DOCK4: variants seen among roughly 807,000 people sequenced by gnomAD.
DOCK4 encodes the protein dedicator of cytokinesis 4, also known as dedicator of cytokinesis protein 4.
DOCK4 carries 97 observed loss-of-function variants against 268.1 expected under a neutral mutation model. The observed-to-expected ratio is 0.36, with a 90% CI of 0.31 to 0.43. The LOEUF is 0.43. DOCK4 is among the 20% of genes least tolerant of loss of function. The pLI, the probability that DOCK4 is intolerant of heterozygous loss-of-function variation, is 1.00. For synonymous variants in DOCK4, 954 were observed against 887.2 expected, an observed-to-expected ratio of 1.08 and a Z score of -1.34; for missense variants, 2,145 against 2,455.7, an observed-to-expected ratio of 0.87 and a Z score of 2.67.
At chr7:112,193,617 T>G (rs1038282736) in intron 1 of DOCK4, among the ~76,000 whole-genome samples, 1 of 137,252 alleles carries the variant, frequency 7.3e-6, no homozygotes, top group Non-Finnish European at 1.6e-5. Context: ...AAAAAAAAAA[T>G]TCTAGCTCAA....
rs570803161 is a variant in DOCK4, at chr7:111,859,809, C to T, written c.2473+3563G>A. 9.9e-5 allele frequency among the ~76,000 whole-genome samples: 15 copies of T among 152,106 alleles called. No individual in the cohort carries two copies. In the East Asian group the frequency reaches 2.1e-3, roughly 22 times the overall value. On this transcript the variant is annotated intron_variant, in intron 23 of 52. Coordinates refer to ENST00000428084, the MANE Select transcript of DOCK4 (RefSeq NM_001363540.2). Reference sequence around the variant, plus strand: ...GTCTCGATCTTCTGACCTCGTGATCCGCCCGCCTCGGCCTCCCAAAGTGCT... The same window carrying T: ...GTCTCGATCTTCTGACCTCGTGATCTGCCCGCCTCGGCCTCCCAAAGTGCT...
rs57672966 is a variant in DOCK4 at position 112,113,734 on chromosome 7, ATTTTTTTTTTTTTTTTTTTTTTTTTTTT to A, written c.37+92340_37+92367del. ...AGGCATGCACCACCATACTTGGCTG[ATTTTTTTTTTTTTTTTTTTTTTTTTTTT>A]TTTTTTTTTTTTTTTTGTAGAGACA... On this transcript the variant is annotated intron_variant, in intron 1 of 52. Transcript: ENST00000428084. Among the ~76,000 whole-genome samples the A allele has an allele frequency of 5.4e-3, 270 of 49,546 alleles. 1 individual carries two copies. The highest frequency in any genetic ancestry group is 0.018 in the African/African-American group (255 of 13,850). The allele number at this position is 49,546 out of a possible 152,430, so 32.5% of individuals were successfully genotyped here.
At chr7:111,851,172 C>T (rs957057687) in intron 23 of DOCK4, among the ~76,000 whole-genome samples, 3 of 151,944 alleles carry the variant, frequency 2.0e-5, no homozygotes, top group African/African-American at 7.3e-5. Context: ...AAGCCGGGTG[C>T]GGTGGCTCAC....
At chr7:111,841,927 A>T (rs1803730167) in intron 25 of DOCK4, among the ~76,000 whole-genome samples, 1 of 152,226 alleles carries the variant, frequency 6.6e-6, no homozygotes, top group African/African-American at 2.4e-5. Context: ...AAGCAGTTTA[A>T]AAAGTGTTTT....
chr7:112,066,707 A>ATGTGTGTG (rs1563052347), intron 1 of DOCK4, among the ~76,000 whole-genome samples: 15 of 75,696 alleles, frequency 2.0e-4, no homozygotes, highest in African/African-American at 7.9e-4. Flanking sequence ...ATATATATAT[A>ATGTGTGTG]TATATATATA....
chr7:112,019,399 C>T (rs1488492231), intron 1 of DOCK4, among the ~76,000 whole-genome samples: 2 of 152,132 alleles, frequency 1.3e-5, no homozygotes, highest in African/African-American at 4.8e-5. Flanking sequence ...CCTCTGCTAA[C>T]AGTCATTTGT....
intron 1 of DOCK4, among the ~76,000 whole-genome samples, chr7:112,055,124 T>A (rs183402187): frequency 2.6e-5 from 4 of 152,222 alleles, no homozygotes; most frequent in Non-Finnish European, 4.4e-5. Context: ...TACCAAAGAC[T>A]AATTGACATA....
At chr7:111,844,325 A>G (rs1803927915) in intron 25 of DOCK4, among the ~76,000 whole-genome samples, 1 of 152,192 alleles carries the variant, frequency 6.6e-6, no homozygotes, top group African/African-American at 2.4e-5. Context: ...TTTCCTAGCT[A>G]AGAAAACTGA....
At chr7:111,905,001 T>G (rs1425992858) in intron 13 of DOCK4, among the ~76,000 whole-genome samples, 2 of 152,204 alleles carry the variant, frequency 1.3e-5, no homozygotes, top group Non-Finnish European at 2.9e-5. Context: ...ACCAGATTTC[T>G]TTGAAAAGAG....
At chr7:111,795,436 C>T (rs1214058308) in intron 30 of DOCK4, among the ~76,000 whole-genome samples, 1 of 152,146 alleles carries the variant, frequency 6.6e-6, no homozygotes, top group East Asian at 1.9e-4. Flanking sequence ...AAGAAATAGG[C>T]TTGAAGCTGA....
intron 12 of DOCK4, among the ~76,000 whole-genome samples, chr7:111,921,711 ATACTT>A (rs781247186): frequency 2.0e-5 from 3 of 152,158 alleles, no homozygotes; most frequent in South Asian, 4.1e-4. Context: ...ATTCCATAAA[ATACTT>A]TAGGTAATGC....
intron 1 of DOCK4, among the ~76,000 whole-genome samples, chr7:112,194,558 C>A (rs1820251159): frequency 1.3e-5 from 2 of 152,194 alleles, no homozygotes; most frequent in Admixed American, 6.5e-5. Context: ...AAATGACAAA[C>A]TAAATTCAGG....
At chr7:112,059,128 C>A (rs1563043440) in intron 1 of DOCK4, among the ~76,000 whole-genome samples, 1 of 140,136 alleles carries the variant, frequency 7.1e-6, no homozygotes, top group Non-Finnish European at 1.5e-5. Flanking sequence ...TATACTGCAG[C>A]ATTTCCTTTT....
chr7:112,145,120 T>C (rs1156503864), intron 1 of DOCK4, among the ~76,000 whole-genome samples: 3 of 152,006 alleles, frequency 2.0e-5, no homozygotes, highest in Non-Finnish European at 4.4e-5. Flanking sequence ...CCGGACACCT[T>C]AGGGAGGTAT....
In DOCK4 at chr7:111,977,255, G is replaced by T; in HGVS notation, c.578C>A (p.Thr193Asn). Residue 193 changes from threonine (T) to asparagine (N), a missense_variant, in exon 8 of 53, where the codon ACC (threonine) becomes AAC (asparagine). Physicochemically the swap from Thr to Asn is moderately conservative, Grantham distance 65 (BLOSUM62 0). Coordinates refer to ENST00000428084, the MANE Select transcript of DOCK4 (RefSeq NM_001363540.2). ...LMEHRHRKKD[T>N]PVQASSHHLF... ...GTGGTGACTGCTGGCCTGCACCGGGGTGTCTTTCTTCCGATGTCGATGTTC... is the reference window on the plus strand; with the variant it reads ...GTGGTGACTGCTGGCCTGCACCGGGTTGTCTTTCTTCCGATGTCGATGTTC... The T allele has an allele frequency of 6.2e-7, 1 of 1,606,442 alleles. No individual in the cohort carries two copies. The highest frequency in any genetic ancestry group is 1.1e-5 in the South Asian group (1 of 89,328).
intron 35 of DOCK4, among the ~76,000 whole-genome samples, chr7:111,779,841 G>A (rs1258905816): frequency 6.6e-6 from 1 of 152,204 alleles, no homozygotes; most frequent in Non-Finnish European, 1.5e-5. Context: ...GCATAATGTT[G>A]TGAGTCTCCA....
intron 4 of DOCK4, among the ~76,000 whole-genome samples, chr7:111,997,538 T>G (rs189673761): frequency 6.6e-6 from 1 of 152,326 alleles, no homozygotes; most frequent in East Asian, 1.9e-4. Context: ...ATCATATCTT[T>G]ATTGAGGAGG....
intron 1 of DOCK4, among the ~76,000 whole-genome samples, chr7:112,005,192 A>G (rs1450583979): frequency 1.3e-5 from 2 of 152,364 alleles, no homozygotes; most frequent in South Asian, 4.1e-4. Flanking sequence ...TGAGATTTAG[A>G]TATAACTCCA....
At chr7:111,859,810 G>A (rs538248857) in intron 23 of DOCK4, among the ~76,000 whole-genome samples, 29 of 151,958 alleles carry the variant, frequency 1.9e-4, no homozygotes, top group African/African-American at 1.4e-4. Flanking sequence ...CTCGTGATCC[G>A]CCCGCCTCGG....
Sources: gnomAD v4.1 joint callset for allele counts (sites outside exome capture counted in the v4.1 genomes callset) on GRCh38, gnomAD v4.1.1 for gene constraint, MANE v1.5 for transcripts, NCBI Gene and HGNC (gene_info 2026-07-23, HGNC 2026-07-21) for gene names.